RANBP3: variants seen among roughly 807,000 people sequenced by gnomAD.
RANBP3 encodes ran-binding protein 3.
Under a neutral mutation model 77.3 loss-of-function variants are expected in RANBP3, and 14 were observed. That is an observed-to-expected ratio of 0.18 (90% confidence interval 0.12 to 0.28). The LOEUF (loss-of-function observed/expected upper bound fraction) is 0.28, where lower values mean the gene tolerates loss of function less well. Ranked by LOEUF, RANBP3 falls within the 10% of genes least tolerant of loss-of-function variation. The pLI is 1.00. For missense variants in RANBP3, 586 were observed against 752.3 expected, an observed-to-expected ratio of 0.78 and a Z score of 2.59; for synonymous variants, 315 against 312.4, an observed-to-expected ratio of 1.01 and a Z score of -0.09.
At chr19:5,920,237 A>G (rs1420402292) in intron 14 of RANBP3, among the ~76,000 whole-genome samples, 1 of 152,180 alleles carries the variant, frequency 6.6e-6, no homozygotes, top group African/African-American at 2.4e-5. Context: ...CTTTATAAAG[A>G]CAAAAATAAA....
intron 1 of RANBP3, among the ~76,000 whole-genome samples, chr19:5,967,582 T>C (rs1315137728): frequency 1.3e-5 from 2 of 152,210 alleles, no homozygotes; most frequent in African/African-American, 4.8e-5. Flanking sequence ...TTCTGCCTTC[T>C]TTATTTCTAC....
At chr19:5,965,062 T>C (rs1349293999) in intron 1 of RANBP3, among the ~76,000 whole-genome samples, 1 of 151,940 alleles carries the variant, frequency 6.6e-6, no homozygotes, top group East Asian at 1.9e-4. Flanking sequence ...TCTCTTCCCC[T>C]GGTGGGATAC....
intron 5 of RANBP3, among the ~76,000 whole-genome samples, chr19:5,937,055 C>CGAAAAAAAAAAAAAA (rs1568458812): frequency 1.4e-4 from 1 of 7,156 alleles, no homozygotes; most frequent in South Asian, 5.0e-3. Flanking sequence ...GACTCTGTCT[C>CGAAAAAAAAAAAAAA]CAAAAAAAAA....
At chr19:5,950,421 C>T (rs2058261001) in intron 3 of RANBP3, among the ~76,000 whole-genome samples, 1 of 152,216 alleles carries the variant, frequency 6.6e-6, no homozygotes, top group Non-Finnish European at 1.5e-5. Flanking sequence ...CACAGGACTC[C>T]AACCCACCCC....
At chr19:5,928,336 A>C in intron 8 of RANBP3, 1 of 333,516 alleles carries the variant, frequency 3.0e-6, no homozygotes, top group Non-Finnish European at 5.4e-6. Flanking sequence ...AACAAGAAAC[A>C]CCTGTGCCCT....
rs528730725 is a variant in RANBP3, at chr19:5,917,682, G to A, written c.1661-29C>T. On this transcript the variant is annotated intron_variant, in intron 16 of 16. Transcript: ENST00000340578. The stretch of plus-strand genomic sequence containing the variant: ...CAGGGAAGCAGCAGCCCCGCATCAG[G>A]ATGGAGCCCGCACTTCCCAGGTCTG... 3.1e-6 allele frequency: 5 copies of A among 1,602,696 alleles called. No individual in the cohort carries two copies. The African/African-American group carries it at 4.0e-5, about 13-fold the overall frequency.
intron 1 of RANBP3, among the ~76,000 whole-genome samples, chr19:5,971,011 C>A (rs977336285): frequency 2.7e-4 from 41 of 152,294 alleles, no homozygotes; most frequent in Non-Finnish European, 5.1e-4. Context: ...GAGAAACCCA[C>A]ACTGTACACT....
At chr19:5,972,405 C>T (rs1374180804) in intron 1 of RANBP3, among the ~76,000 whole-genome samples, 3 of 152,186 alleles carry the variant, frequency 2.0e-5, no homozygotes, top group Non-Finnish European at 2.9e-5. Flanking sequence ...CCCTGATGTC[C>T]CAGGCCACGT....
chr19:5,966,150 T>C (rs773360268), intron 1 of RANBP3, among the ~76,000 whole-genome samples: 34 of 152,200 alleles, frequency 2.2e-4, no homozygotes, highest in Non-Finnish European at 4.4e-4. Context: ...CTACAACACA[T>C]ACACTCTTCC....
At position 5,921,617 on chromosome 19, in the gene RANBP3, C is replaced by G. The variant is rs2057821138; in HGVS notation, c.1210-296G>C. 6.6e-6 allele frequency among the ~76,000 whole-genome samples: 1 copy of G among 152,282 alleles called. No individual in the cohort carries two copies. The highest frequency in any genetic ancestry group is 1.5e-5 in the Non-Finnish European group (1 of 68,046). ...GTGGGGAAGCTGGAACCCTCACACA[C>G]TGCTGGCGGGAAGGCCGCATGGTGC... is the stretch of plus-strand genomic sequence containing the variant. On this transcript the variant is annotated intron_variant, in intron 13 of 16. Transcript: ENST00000340578. This position sits in a 1 kb window ranked among gnomAD's most constrained non-coding sequence, Gnocchi z 5.3.
chr19:5,925,870 T>G, intron 9 of RANBP3, 133 bp from the exon 10 acceptor site: 3 of 669,214 alleles, frequency 4.5e-6, no homozygotes, highest in Non-Finnish European at 5.4e-6. Context: ...CCCGCCTGTG[T>G]GTGTGCGCGT....
intron 14 of RANBP3, among the ~76,000 whole-genome samples, chr19:5,919,775 C>T (rs2057793150): frequency 6.6e-6 from 1 of 152,042 alleles, no homozygotes; most frequent in Admixed American, 6.6e-5. Context: ...GTGGCGGGTG[C>T]CTATAAGCCC....
At chr19:5,975,196 G>A (rs1234146793) in intron 1 of RANBP3, among the ~76,000 whole-genome samples, 1 of 152,192 alleles carries the variant, frequency 6.6e-6, no homozygotes, top group Non-Finnish European at 1.5e-5. Flanking sequence ...ATGACTGATT[G>A]AAGGACGGCA....
rs747944689 is a variant in RANBP3 at position 5,951,452 on chromosome 19, T to G, written c.223A>C (p.Thr75Pro). 1.0e-5 allele frequency: 16 copies of G among 1,600,152 alleles called. No homozygotes were observed. Among genetic ancestry groups the G allele is most frequent in the Non-Finnish European group, 1.3e-5 (15 of 1,173,238 alleles). The change falls in exon 3 of 17, where the codon ACT becomes CCT. Residue 75 changes from threonine (T) to proline (P), a missense_variant. Physicochemically the swap from Thr to Pro is conservative, Grantham distance 38 (BLOSUM62 -1). Around this residue, in one of 5 missense-constraint regions of RANBP3, gnomAD observed 172 missense variants for 183.4 expected, o/e 0.94. Coordinates refer to ENST00000340578, the MANE Select transcript of RANBP3 (RefSeq NM_007322.3). Reference sequence around the variant, plus strand: ...GCTTCAGGAGCGGGAGGCGGAGGAGTGCTGGCTGAGGCGCCAGCAGGGGCA... The same window carrying G: ...GCTTCAGGAGCGGGAGGCGGAGGAGGGCTGGCTGAGGCGCCAGCAGGGGCA... ...PPAPAGASAS[T>P]PPPPAPEAQL... is the part of the protein sequence containing the mutation.
At position 5,958,568 on chromosome 19, in the gene RANBP3, T is replaced by A. The variant is rs542903245; in HGVS notation, c.23-595A>T. Among the ~76,000 whole-genome samples the A allele has an allele frequency of 1.2e-4, 18 of 152,310 alleles. No individual in the cohort carries two copies. The highest frequency in any genetic ancestry group is 3.6e-4 in the African/African-American group (15 of 41,566). On this transcript the variant is annotated intron_variant, in intron 1 of 16. Transcript: ENST00000340578. This position sits in a 1 kb window ranked among gnomAD's most constrained non-coding sequence, Gnocchi z 4.4. ...AAACACTCTGGGGTGTTCTGTCACT[T>A]GATGGGACAAGAGCAAGGCGGCCTG...
At chr19:5,949,975 T>C (rs2058254789) in intron 3 of RANBP3, among the ~76,000 whole-genome samples, 1 of 152,194 alleles carries the variant, frequency 6.6e-6, no homozygotes, top group Non-Finnish European at 1.5e-5. Flanking sequence ...GGCTGCATTT[T>C]TCAAACCCAG....
chr19:5,925,423 T>C (rs1210880529), intron 10 of RANBP3: 5 of 594,746 alleles, frequency 8.4e-6, no homozygotes, highest in Non-Finnish European at 1.5e-5. Flanking sequence ...TCTGGTCCTG[T>C]CTCAGGCGTC....
chr19:5,928,608 G>A (rs962290862), intron 8 of RANBP3, among the ~76,000 whole-genome samples: 1 of 151,812 alleles, frequency 6.6e-6, no homozygotes, highest in African/African-American at 2.4e-5. Flanking sequence ...GTGTATGTGT[G>A]GTGTGTATGT....
chr19:5,932,322 T>G lies in RANBP3; in HGVS notation c.565+130A>C, dbSNP rs2058003524. ...CTGGGGGGTGATTTAAAGGATCATCTTCCCTGATCTCTCTGTATTTCTGGT... is the reference window on the plus strand; with the variant it reads ...CTGGGGGGTGATTTAAAGGATCATCGTCCCTGATCTCTCTGTATTTCTGGT... On this transcript the variant is annotated intron_variant, in intron 7 of 16. Transcript: ENST00000340578. The G allele has an allele frequency of 2.1e-5, 15 of 730,336 alleles. No individual in the cohort carries two copies. In the South Asian group the frequency reaches 2.5e-4, roughly 12 times the overall value. The allele number at this position is 730,336 out of a possible 1,614,324, so 45.2% of individuals were successfully genotyped here.
Sources: allele counts gnomAD v4.1 joint callset (sites outside exome capture counted in the v4.1 genomes callset), GRCh38; gene constraint gnomAD v4.1.1; regional missense constraint gnomAD v4.1.1; non-coding constraint Gnocchi (gnomAD v3.1); transcripts MANE v1.5; gene names NCBI Gene and HGNC (gene_info 2026-07-23, HGNC 2026-07-21).